Variants in LEP observed in about 807,000 individuals in gnomAD.
The protein encoded by LEP is leptin, also known as leptin (murine obesity homolog).
In LEP, 6 loss-of-function variants were observed where a neutral mutation model predicts 9.8. The observed-to-expected ratio is 0.61, with a 90% confidence interval of 0.34 to 1.21. LEP has a LOEUF of 1.21. Among genes scored for constraint, LEP ranks in the 50% most tolerant of loss-of-function variants. The pLI is 0.04. For synonymous variants in LEP, 112 were observed against 81.7 expected, an observed-to-expected ratio of 1.37 and a Z score of -2.00; for missense variants, 134 against 198.1, an observed-to-expected ratio of 0.68 and a Z score of 1.94.
rs749909441 is a variant in LEP at position 128,251,973 on chromosome 7, G to A, written c.-28-18G>A. 1.2e-6 allele frequency: 2 copies of A among 1,605,156 alleles called. No individual in the cohort carries two copies. The highest frequency in any genetic ancestry group is 1.7e-6 in the Non-Finnish European group (2 of 1,171,948). On this transcript the variant is annotated intron_variant, in intron 1 of 2. Coordinates refer to ENST00000308868, the MANE Select transcript of LEP (RefSeq NM_000230.3). ...GAGATACCGGCTCCTTGCAGTGTGTGGTTCCTTCTGTTTTCAGGCCCAAGA... is the reference window on the plus strand; with the variant it reads ...GAGATACCGGCTCCTTGCAGTGTGTAGTTCCTTCTGTTTTCAGGCCCAAGA...
At chr7:128,244,493 T>C (rs745358710) in intron 1 of LEP, among the ~76,000 whole-genome samples, 10 of 152,196 alleles carry the variant, frequency 6.6e-5, no homozygotes, top group Non-Finnish European at 1.2e-4. Context: ...GTGATCAACA[T>C]TTGAAAAAAG....
chr7:128,253,171 T>C lies in LEP; in HGVS notation c.144+1009T>C, dbSNP rs948502222. 2.0e-5 allele frequency among the ~76,000 whole-genome samples: 3 copies of C among 152,278 alleles called. No individual in the cohort carries two copies. In the South Asian group the frequency reaches 6.2e-4, roughly 32 times the overall value. ...CAGGAACAAGACCCCCAGAAGCATC[T>C]CCTCAGGGCCTCTATCCCATCTCTA... On this transcript the variant is annotated intron_variant, in intron 2 of 2. Coordinates refer to ENST00000308868, the MANE Select transcript of LEP (RefSeq NM_000230.3).
intron 1 of LEP, among the ~76,000 whole-genome samples, chr7:128,248,041 T>C (rs1795231910): frequency 6.6e-6 from 1 of 152,126 alleles, no homozygotes. Flanking sequence ...GCCTGTAATC[T>C]CAACACTTTG....
Position 128,255,047 on chromosome 7 carries a change from A to AAGAGTT in LEP, c.*285_*290dup. The AAGAGTT allele has an allele frequency of 2.2e-6, 1 of 457,566 alleles. No individual in the cohort carries two copies. The highest frequency in any genetic ancestry group is 4.1e-6 in the Non-Finnish European group (1 of 246,818). The allele number at this position is 457,566 out of a possible 1,614,324, so 28.3% of individuals were successfully genotyped here. On this transcript the variant is annotated 3_prime_UTR_variant, in exon 3 of 3. Transcript: ENST00000308868. ...CCCACCAAGGTCTTCAGCCATCAAC[A>AAGAGTT]AGAGTTGTCTTGTCCCCTCTTGACC...
intron 1 of LEP, among the ~76,000 whole-genome samples, chr7:128,250,069 GA>G (rs765012939): frequency 6.6e-5 from 10 of 152,170 alleles, no homozygotes; most frequent in Non-Finnish European, 1.0e-4. Flanking sequence ...AGGAGGAAAG[GA>G]AAGGATGCTT....
rs1373565745 is a variant in LEP at position 128,256,493 on chromosome 7, G to C, written c.*1730G>C. 4 of 152,626 alleles carry C rather than the reference G, an allele frequency of 2.6e-5. No individual in the cohort carries two copies. The highest frequency in any genetic ancestry group is 4.4e-5 in the Non-Finnish European group (3 of 68,086). The allele number at this position is 152,626 out of a possible 1,614,324, so 9.5% of individuals were successfully genotyped here. ...CCTCAGGGATCTTGCATTCCCAGTG[G>C]TCAAACCGCACTCACCCATGTGCCA... On this transcript the variant is annotated 3_prime_UTR_variant, in exon 3 of 3. Transcript: ENST00000308868.
chr7:128,245,110 A>G (rs1795196565), intron 1 of LEP, among the ~76,000 whole-genome samples: 1 of 152,088 alleles, frequency 6.6e-6, no homozygotes, highest in Non-Finnish European at 1.5e-5. Context: ...GGAGGTCCCT[A>G]CTAAACAGAC....
At chr7:128,242,290 C>G (rs1795160844) in intron 1 of LEP, among the ~76,000 whole-genome samples, 1 of 152,208 alleles carries the variant, frequency 6.6e-6, no homozygotes, top group Admixed American at 6.5e-5. Flanking sequence ...TGGTACCGTT[C>G]CAGGAGCACA....
At chr7:128,245,214 C>T (rs534560208) in intron 1 of LEP, among the ~76,000 whole-genome samples, 3 of 152,178 alleles carry the variant, frequency 2.0e-5, no homozygotes, top group Non-Finnish European at 2.9e-5. Flanking sequence ...TCCCTAACTC[C>T]GGAGCTTGGC....
chr7:128,251,915 A>C, intron 1 of LEP, 76 bp from the exon 2 acceptor site: 1 of 1,169,296 alleles, frequency 8.6e-7, no homozygotes, highest in Non-Finnish European at 1.3e-6. Context: ...CCGTCTGGTA[A>C]TGTGGTTGGT....
rs75506045 is a variant in LEP, at chr7:128,254,739, G to C, written c.480G>C (p.Gln160His). 7 of 1,611,806 alleles carry C rather than the reference G, an allele frequency of 4.3e-6. No individual in the cohort carries two copies. In the East Asian group the frequency reaches 1.6e-4, roughly 36 times the overall value. The stretch of plus-strand genomic sequence containing the variant: ...GGTCTCTGCAGGACATGCTGTGGCA[G>C]CTGGACCTCAGCCCTGGGTGCTGAG... The part of the protein sequence containing the change: ...LQGSLQDMLW[Q>H]LDLSPGC Residue 160 changes from glutamine to histidine, a missense_variant, in exon 3 of 3, where the codon CAG becomes CAC. Coordinates refer to ENST00000308868, the MANE Select transcript of LEP (RefSeq NM_000230.3).
In LEP at chr7:128,256,742, C is replaced by A. The variant is rs554363383; in HGVS notation, c.*1979C>A. On this transcript the variant is annotated 3_prime_UTR_variant, in exon 3 of 3. Transcript: ENST00000308868. ...TTAAAAATAAGAAAATACATAAGACCATAACAGCCAACAGGTGGCAGGACC... is the reference window on the plus strand; with the variant it reads ...TTAAAAATAAGAAAATACATAAGACAATAACAGCCAACAGGTGGCAGGACC... 6.6e-6 allele frequency: 1 copy of A among 152,258 alleles called. No homozygotes were observed. Among genetic ancestry groups the A allele is most frequent in the Admixed American group, 6.5e-5 (1 of 15,302 alleles). The allele number at this position is 152,258 out of a possible 1,614,324, so 9.4% of individuals were successfully genotyped here.
chr7:128,247,307 C>A (rs1248745146), intron 1 of LEP, among the ~76,000 whole-genome samples: 4 of 152,154 alleles, frequency 2.6e-5, no homozygotes, highest in Non-Finnish European at 4.4e-5. Flanking sequence ...CAAGCGGCAG[C>A]TGGGCAGGCT....
At chr7:128,242,017 G>T (rs4731426) in intron 1 of LEP, among the ~76,000 whole-genome samples, 1 of 152,078 alleles carries the variant, frequency 6.6e-6, no homozygotes, top group Non-Finnish European at 1.5e-5. Context: ...TGCTAAATAC[G>T]CGCTGTTGGC....
chr7:128,245,207 C>G (rs1003722083), intron 1 of LEP, among the ~76,000 whole-genome samples: 3 of 152,176 alleles, frequency 2.0e-5, no homozygotes, highest in Admixed American at 2.0e-4. Context: ...ATGGCTTTCC[C>G]TAACTCCGGA....
chr7:128,256,632 G>A lies in LEP; in HGVS notation c.*1869G>A, dbSNP rs1425073207. 1 of 152,230 alleles carries A rather than the reference G, an allele frequency of 6.6e-6. No individual in the cohort carries two copies. Among genetic ancestry groups the A allele is most frequent in the Non-Finnish European group, 1.5e-5 (1 of 68,050 alleles). The allele number at this position is 152,230 out of a possible 1,614,324, so 9.4% of individuals were successfully genotyped here. ...TGCCCAGGGGCCCACAGGGAACCCT[G>A]CTTGCACTTTGTAACATGTTTACTT... On this transcript the variant is annotated 3_prime_UTR_variant, in exon 3 of 3. Transcript: ENST00000308868.
chr7:128,255,077 T>G lies in LEP; in HGVS notation c.*314T>G. The G allele has an allele frequency of 5.2e-6, 2 of 383,138 alleles. No individual in the cohort carries two copies. Among genetic ancestry groups the G allele is most frequent in the South Asian group, 2.4e-5 (1 of 42,250 alleles). The allele number at this position is 383,138 out of a possible 1,614,324, so 23.7% of individuals were successfully genotyped here. The stretch of plus-strand genomic sequence containing the variant: ...TTGTCTTGTCCCCTCTTGACCCATC[T>G]CCCCCTCACTGAATGCCTCAATGTG... On this transcript the variant is annotated 3_prime_UTR_variant, in exon 3 of 3. Transcript: ENST00000308868.
chr7:128,253,941 G>A (rs183910300), intron 2 of LEP, among the ~76,000 whole-genome samples: 77 of 152,196 alleles, frequency 5.1e-4, no homozygotes, highest in Admixed American at 3.3e-3. Flanking sequence ...GGGTTGGGGG[G>A]CCTCACTGAG....
At chr7:128,251,325 T>C (rs1795272488) in intron 1 of LEP, among the ~76,000 whole-genome samples, 1 of 152,180 alleles carries the variant, frequency 6.6e-6, no homozygotes, top group Non-Finnish European at 1.5e-5. Context: ...TCTGACATAT[T>C]ATTTAGAAGG....
Sources: gnomAD v4.1 joint callset for allele counts (sites outside exome capture counted in the v4.1 genomes callset) on GRCh38, gnomAD v4.1.1 for gene constraint, MANE v1.5 for transcripts, NCBI Gene and HGNC (gene_info 2026-07-23, HGNC 2026-07-21) for gene names.